The following FBXL17 variants were observed in gnomAD, a reference collection of about 807,000 sequenced individuals.
FBXL17 encodes the protein F-box and leucine rich repeat protein 17.
A neutral mutation model predicts 66.2 loss-of-function variants in FBXL17; 22 were observed. The observed-to-expected ratio is 0.33, with a 90% CI of 0.24 to 0.47. FBXL17 has a LOEUF of 0.47. Among genes scored for constraint, FBXL17 ranks in the 20% least tolerant of loss-of-function variants. FBXL17 has a pLI of 1.00. For missense variants in FBXL17, 878 were observed against 948.2 expected, an observed-to-expected ratio of 0.93 and a Z score of 0.97; for synonymous variants, 474 against 400.5, an observed-to-expected ratio of 1.18 and a Z score of -2.19.
At chr5:108,316,548 CTA>C (rs1186880792) in intron 4 of FBXL17, among the ~76,000 whole-genome samples, 1 of 151,316 alleles carries the variant, frequency 6.6e-6, no homozygotes, top group Non-Finnish European at 1.5e-5. Flanking sequence ...AACATGAACT[CTA>C]AAATTTTTAA....
At chr5:108,064,405 G>C (rs1176249537) in intron 6 of FBXL17, among the ~76,000 whole-genome samples, 1 of 152,128 alleles carries the variant, frequency 6.6e-6, no homozygotes. Context: ...ATCTAAAGTA[G>C]GGGAGACCAT....
At chr5:108,303,692 A>G (rs930854974) in intron 4 of FBXL17, among the ~76,000 whole-genome samples, 2 of 151,932 alleles carry the variant, frequency 1.3e-5, no homozygotes, top group African/African-American at 4.8e-5. Flanking sequence ...TGGTCTGTCC[A>G]AGTATCTGCA....
At chr5:108,213,077 T>C (rs1442119248) in intron 5 of FBXL17, among the ~76,000 whole-genome samples, 1 of 152,136 alleles carries the variant, frequency 6.6e-6, no homozygotes, top group Non-Finnish European at 1.5e-5. Flanking sequence ...TTGGAACTTC[T>C]CAGTGGCTTT....
intron 7 of FBXL17, among the ~76,000 whole-genome samples, chr5:107,900,284 T>C (rs1262351161): frequency 6.6e-6 from 1 of 152,164 alleles, no homozygotes; most frequent in Non-Finnish European, 1.5e-5. Context: ...TTTACTTCTT[T>C]CTATCATCTA....
At chr5:108,226,078 C>A (rs1755087065) in intron 4 of FBXL17, among the ~76,000 whole-genome samples, 1 of 152,116 alleles carries the variant, frequency 6.6e-6, no homozygotes, top group South Asian at 2.1e-4. Flanking sequence ...CTGTGTCTCA[C>A]CACACTTTGA....
intron 7 of FBXL17, among the ~76,000 whole-genome samples, chr5:108,020,460 C>G (rs147909106): frequency 6.7e-4 from 102 of 151,862 alleles, no homozygotes; most frequent in African/African-American, 2.4e-3. Flanking sequence ...TTCCTATATC[C>G]ACAAATGGAC....
At chr5:107,907,155 T>C (rs1364906362) in intron 7 of FBXL17, among the ~76,000 whole-genome samples, 1 of 152,184 alleles carries the variant, frequency 6.6e-6, no homozygotes, top group Non-Finnish European at 1.5e-5. Flanking sequence ...TCCTTGACCA[T>C]ACCATCCATT....
chr5:108,340,734 T>G (rs1746823448), intron 4 of FBXL17, among the ~76,000 whole-genome samples: 1 of 152,184 alleles, frequency 6.6e-6, no homozygotes, highest in African/African-American at 2.4e-5. Context: ...CACCAAAATA[T>G]TTGAAGTGAT....
chr5:108,365,311 A>G (rs1212343727), intron 2 of FBXL17, among the ~76,000 whole-genome samples: 1 of 152,074 alleles, frequency 6.6e-6, no homozygotes, highest in African/African-American at 2.4e-5. Flanking sequence ...GAAGTGACTT[A>G]GAGTGGGGCG....
At chr5:107,999,341 G>A (rs1459617017) in intron 7 of FBXL17, among the ~76,000 whole-genome samples, 2 of 152,010 alleles carry the variant, frequency 1.3e-5, no homozygotes, top group Non-Finnish European at 2.9e-5. Context: ...CACTAGCCAT[G>A]CAAGACTCTT....
At chr5:108,280,512 T>C (rs1038649646) in intron 4 of FBXL17, among the ~76,000 whole-genome samples, 1 of 151,504 alleles carries the variant, frequency 6.6e-6, no homozygotes, top group African/African-American at 2.4e-5. Context: ...CACATGACAG[T>C]ATAAAACTCA....
chr5:107,963,349 C>G (rs1349225153), intron 7 of FBXL17, among the ~76,000 whole-genome samples: 4 of 151,926 alleles, frequency 2.6e-5, no homozygotes, highest in Non-Finnish European at 5.9e-5. Flanking sequence ...AAACAAAACT[C>G]TGTGTGTGTG....
chr5:108,121,489 T>C (rs896857853), intron 6 of FBXL17, among the ~76,000 whole-genome samples: 3 of 152,224 alleles, frequency 2.0e-5, no homozygotes, highest in Non-Finnish European at 4.4e-5. Flanking sequence ...AGTCCATGCA[T>C]ATTTTAATAT....
chr5:108,350,223 GT>G (rs1185077501), intron 3 of FBXL17, among the ~76,000 whole-genome samples: 1 of 152,182 alleles, frequency 6.6e-6, no homozygotes, highest in Non-Finnish European at 1.5e-5. Flanking sequence ...TTGAAAGTCT[GT>G]TTAAAAATTA....
intron 4 of FBXL17, among the ~76,000 whole-genome samples, chr5:108,304,832 T>C (rs942887238): frequency 2.0e-5 from 3 of 151,988 alleles, no homozygotes; most frequent in African/African-American, 7.2e-5. Flanking sequence ...TAAAAACTAT[T>C]TCCCTACCTA....
intron 6 of FBXL17, among the ~76,000 whole-genome samples, chr5:108,098,091 T>C (rs1749450248): frequency 6.6e-6 from 1 of 152,090 alleles, no homozygotes; most frequent in South Asian, 2.1e-4. Flanking sequence ...GACAAGCATA[T>C]GGTCAGATGG....
chr5:108,001,546 G>C (rs1753729954), intron 7 of FBXL17, among the ~76,000 whole-genome samples: 1 of 151,918 alleles, frequency 6.6e-6, no homozygotes, highest in Non-Finnish European at 1.5e-5. Context: ...CATCGCCCAG[G>C]CTGGAGTGCA....
intron 7 of FBXL17, among the ~76,000 whole-genome samples, chr5:107,883,106 A>C (rs1031075601): frequency 2.9e-4 from 44 of 152,316 alleles, no homozygotes; most frequent in Middle Eastern, 3.4e-3. Flanking sequence ...CGTGAGCTCT[A>C]GAGCATTTTT....
chr5:107,935,001 C>T (rs1437235654), intron 7 of FBXL17, among the ~76,000 whole-genome samples: 1 of 151,794 alleles, frequency 6.6e-6, no homozygotes, highest in Admixed American at 6.6e-5. Flanking sequence ...ATGAGTTGTT[C>T]TAAGGTTATC....
Sources: allele counts gnomAD v4.1 joint callset (sites outside exome capture counted in the v4.1 genomes callset), GRCh38; gene constraint gnomAD v4.1.1; transcripts MANE v1.5; gene names NCBI Gene and HGNC (gene_info 2026-07-23, HGNC 2026-07-21).